The following EPHB6 variants were observed in gnomAD, a reference collection of about 807,000 sequenced individuals.
EPHB6 encodes the protein EPH receptor B6.
EPHB6 carries 51 observed loss-of-function variants against 107.0 expected under a neutral mutation model. The observed-to-expected ratio is 0.48, with a 90% confidence interval of 0.38 to 0.60. The LOEUF (loss-of-function observed/expected upper bound fraction) is 0.60, where lower values mean the gene tolerates loss of function less well. EPHB6 is among the 20% of genes least tolerant of loss of function. The pLI is 0.00. For missense variants in EPHB6, 1,141 were observed against 1,355.5 expected (o/e 0.84, Z 2.48); for synonymous variants, 553 against 549.0 (o/e 1.01, Z -0.10).
At chr7:142,856,854 A>G (rs896149668) in intron 1 of EPHB6, among the ~76,000 whole-genome samples, 1 of 151,628 alleles carries the variant, frequency 6.6e-6, no homozygotes, top group African/African-American at 2.4e-5. Context: ...GGAAAGCAAC[A>G]GCCCCCATCT....
Position 142,863,107 on chromosome 7 carries a change from G to A in EPHB6, c.-101-20G>A. 1.3e-6 allele frequency: 1 copy of A among 768,830 alleles called. No individual in the cohort carries two copies. The highest frequency in any genetic ancestry group is 2.2e-6 in the Non-Finnish European group (1 of 457,636). 47.6% of individuals were successfully genotyped at this position (768,830 alleles called of 1,614,324 possible). A position where few individuals can be genotyped will look rare whatever the true frequency, so the allele number is the denominator to read the frequency against. On this transcript the variant is annotated intron_variant, in intron 4 of 19. Transcript: ENST00000652003. ...CACTTTCTTCCCACCTGCCTCTTCT[G>A]GTCTTGTGTGTCTCCTCAGGAAGCA...
At position 142,864,065 on chromosome 7, in the gene EPHB6, T is replaced by C; in HGVS notation, c.265T>C (p.Trp89Arg). ...CCCTCCAGGCACCGGGCAGGACAAT[T>C]GGTTGCAGACACACTTTGTGGAGCG... Reference protein sequence around the residue: ...GAPPGTGQDNWLQTHFVERRG... With the variant: ...GAPPGTGQDNRLQTHFVERRG... The change falls in exon 7 of 20, where the codon TGG becomes CGG. Residue 89 changes from tryptophan to arginine, a missense_variant. Trp to Arg is a moderately radical substitution (Grantham distance 101). Transcript: ENST00000652003. 1 of 1,614,084 alleles carries C rather than the reference T, an allele frequency of 6.2e-7. No individual in the cohort carries two copies. Among genetic ancestry groups the C allele is most frequent in the Non-Finnish European group, 8.5e-7 (1 of 1,180,028 alleles).
rs372003411 is a variant in EPHB6 at position 142,865,605 on chromosome 7, C to T, written c.1080C>T (p.Ser360=). 424 of 1,613,684 alleles carry T rather than the reference C, an allele frequency of 2.6e-4. 1 individual carries two copies. The highest frequency in any genetic ancestry group is 4.8e-4 in the Admixed American group (29 of 60,016). The change falls in exon 8 of 20, where the codon TCC becomes TCT. Residue 360 remains serine, a synonymous_variant. Coordinates refer to ENST00000652003, the MANE Select transcript of EPHB6 (RefSeq NM_004445.6). Reference sequence around the variant, plus strand: ...TGGAGGGCTTCTACCGGGCCAGTTCCGACCCACCAGAGGCCCCCTGCACTG... The same window carrying T: ...TGGAGGGCTTCTACCGGGCCAGTTCTGACCCACCAGAGGCCCCCTGCACTG... ...PCLEGFYRAS[S]DPPEAPCTGP...
Position 142,864,089 on chromosome 7 carries a change from C to G in EPHB6, c.289C>G (p.Arg97Gly). ...TTGGTTGCAGACACACTTTGTGGAGCGGCGCGGGGCCCAGAGGGCGCACAT... is the reference window on the plus strand; with the variant it reads ...TTGGTTGCAGACACACTTTGTGGAGGGGCGCGGGGCCCAGAGGGCGCACAT... ...DNWLQTHFVE[R>G]RGAQRAHIRL... The change falls in exon 7 of 20, where the codon CGG (arginine) becomes GGG (glycine). Residue 97 changes from arginine to glycine, a missense_variant. Physicochemically the swap from Arg to Gly is moderately radical, Grantham distance 125. Coordinates refer to ENST00000652003, the MANE Select transcript of EPHB6 (RefSeq NM_004445.6). 6.2e-7 allele frequency: 1 copy of G among 1,614,036 alleles called. No homozygotes were observed. Among genetic ancestry groups the G allele is most frequent in the Non-Finnish European group, 8.5e-7 (1 of 1,180,038 alleles).
intron 6 of EPHB6, 111 bp from the exon 7 acceptor site, chr7:142,863,855 T>G: frequency 6.5e-7 from 1 of 1,536,498 alleles, no homozygotes; most frequent in Non-Finnish European, 9.0e-7. Context: ...TCTGCTTTGC[T>G]TGTCATTAAT....
chr7:142,863,724 A>ATCCC (rs1400814500), intron 6 of EPHB6, 29 bp downstream of exon 6: 15 of 1,610,816 alleles, frequency 9.3e-6, no homozygotes, highest in Non-Finnish European at 7.6e-6. Flanking sequence ...CTGAACCTGA[A>ATCCC]TCCCTTGGCC....
At position 142,868,899 on chromosome 7, in the gene EPHB6, T is replaced by C. The variant is rs1262080989; in HGVS notation, c.2287-75T>C. The stretch of plus-strand genomic sequence containing the variant: ...CGACACCCTCCCGCTCTCATGCTGT[T>C]GTCTGCTATGCAGTATGTTGAGGTC... On this transcript the variant is annotated intron_variant, in intron 15 of 19. Transcript: ENST00000652003. This position sits in a 1 kb window ranked among gnomAD's most constrained non-coding sequence, Gnocchi z 4.2. 9.6e-5 allele frequency: 152 copies of C among 1,580,690 alleles called. No homozygotes were observed. The highest frequency in any genetic ancestry group is 1.3e-4 in the Non-Finnish European group (147 of 1,167,872).
At chr7:142,863,453 G>A in intron 5 of EPHB6, 126 bp downstream of exon 5, 1 of 1,183,152 alleles carries the variant, frequency 8.5e-7, no homozygotes, top group Non-Finnish European at 1.3e-6. Flanking sequence ...GCATGGTGAG[G>A]ATAATGAAGA....
Position 142,870,325 on chromosome 7 carries a change from C to T in EPHB6, c.2722C>T (p.His908Tyr). 1 of 1,614,228 alleles carries T rather than the reference C, an allele frequency of 6.2e-7. No individual in the cohort carries two copies. The highest frequency in any genetic ancestry group is 8.5e-7 in the Non-Finnish European group (1 of 1,180,042). ...TWQKDRARRPHFDQLVAAFDK... is the reference protein window; with the variant it reads ...TWQKDRARRPYFDQLVAAFDK... ...GCAGAAGGACCGTGCCCGGCGGCCT[C>T]ATTTTGACCAGCTGGTGGCTGCATT... Residue 908 changes from histidine to tyrosine, a missense_variant, in exon 18 of 20, where the codon CAT (histidine) becomes TAT (tyrosine). Around this residue, in one of 3 missense-constraint regions of EPHB6, gnomAD observed 616 missense variants for 759.3 expected, o/e 0.81. Transcript: ENST00000652003.
chr7:142,865,687 G>A (rs1803120285), intron 8 of EPHB6, 57 bp downstream of exon 8: 2 of 1,595,198 alleles, frequency 1.3e-6, no homozygotes, highest in African/African-American at 1.3e-5. Context: ...GGCCAGAAGT[G>A]GGGGTAGCAG....
At chr7:142,862,637 G>A (rs1221427464) in intron 3 of EPHB6, 119 bp from the exon 4 acceptor site, 1 of 152,624 alleles carries the variant, frequency 6.6e-6, no homozygotes, top group East Asian at 1.9e-4. Context: ...GAAATTTCTA[G>A]AGCATCCAGG....
Position 142,855,916 on chromosome 7 carries a change from C to G in EPHB6, c.-432+531C>G, listed in dbSNP as rs930661229. 2.6e-5 allele frequency among the ~76,000 whole-genome samples: 4 copies of G among 152,216 alleles called. No individual in the cohort carries two copies. Among genetic ancestry groups the G allele is most frequent in the East Asian group, 1.9e-4 (1 of 5,196 alleles). ...GGTTCCTGCTGCCCAGCCATCACCC[C>G]CAACGTGCAACCAAATTCTATTGCG... On this transcript the variant is annotated intron_variant, in intron 1 of 19. Coordinates refer to ENST00000652003, the MANE Select transcript of EPHB6 (RefSeq NM_004445.6). The surrounding 1 kb of genome is among the most constrained non-coding windows in gnomAD (Gnocchi z 4.2).
chr7:142,858,083 A>G (rs1802683858), intron 1 of EPHB6, among the ~76,000 whole-genome samples: 1 of 152,126 alleles, frequency 6.6e-6, no homozygotes, highest in Non-Finnish European at 1.5e-5. Flanking sequence ...TAATTATGAG[A>G]TTTTACGTTA....
intron 1 of EPHB6, among the ~76,000 whole-genome samples, chr7:142,860,012 G>A (rs768930523): frequency 4.6e-5 from 7 of 152,172 alleles, no homozygotes; most frequent in Admixed American, 6.5e-5. Flanking sequence ...CTTGTAGTTC[G>A]GGTCATCAAA....
Position 142,866,991 on chromosome 7 carries a change from G to T in EPHB6, c.1673G>T (p.Gly558Val). 1.2e-6 allele frequency: 2 copies of T among 1,614,054 alleles called. No individual in the cohort carries two copies. The highest frequency in any genetic ancestry group is 1.7e-6 in the Non-Finnish European group (2 of 1,180,000). The change falls in exon 11 of 20, where the codon GGT (glycine) becomes GTT (valine). Residue 558 changes from glycine (G) to valine (V), a missense_variant. Physicochemically the swap from Gly to Val is moderately radical, Grantham distance 109. Around this residue, in one of 3 missense-constraint regions of EPHB6, gnomAD observed 616 missense variants for 759.3 expected, o/e 0.81. Coordinates refer to ENST00000652003, the MANE Select transcript of EPHB6 (RefSeq NM_004445.6). This position sits in a 1 kb window ranked among gnomAD's most constrained non-coding sequence, Gnocchi z 5.2. ...CAGCTGAGCCCTGGCCACATCTATGGTTTCCAGGTGCGGGCCCGGACTGCT... is the reference window on the plus strand; with the variant it reads ...CAGCTGAGCCCTGGCCACATCTATGTTTTCCAGGTGCGGGCCCGGACTGCT... ...VTQLSPGHIY[G>V]FQVRARTAAG...
Position 142,865,688 on chromosome 7 carries a change from G to A in EPHB6, c.1105+58G>A, listed in dbSNP as rs55893514. The A allele has an allele frequency of 5.6e-3, 8,913 of 1,595,140 alleles. 37 individuals carry two copies. Among genetic ancestry groups the A allele is most frequent in the Non-Finnish European group, 6.5e-3 (7,634 of 1,172,810 alleles). Reference sequence around the variant, plus strand: ...GAGACTTGGAGAGGGGCCAGAAGTGGGGGTAGCAGGCAACACTGGGGGCTC... The same window carrying A: ...GAGACTTGGAGAGGGGCCAGAAGTGAGGGTAGCAGGCAACACTGGGGGCTC... On this transcript the variant is annotated intron_variant, in intron 8 of 19. Coordinates refer to ENST00000652003, the MANE Select transcript of EPHB6 (RefSeq NM_004445.6).
At chr7:142,865,338 G>C in intron 7 of EPHB6, 137 bp from the exon 8 acceptor site, 1 of 1,089,840 alleles carries the variant, frequency 9.2e-7, no homozygotes, top group Middle Eastern at 2.2e-4. Context: ...AGAGAGGGTG[G>C]GGTTCAGTCT....
Position 142,866,851 on chromosome 7 carries a change from G to C in EPHB6, c.1588-55G>C. On this transcript the variant is annotated intron_variant, in intron 10 of 19. Coordinates refer to ENST00000652003, the MANE Select transcript of EPHB6 (RefSeq NM_004445.6). The surrounding 1 kb of genome is among the most constrained non-coding windows in gnomAD (Gnocchi z 5.2). ...GGGAGGGTGGCTGGGGGCCTTAGGG[G>C]CAGAAGCAGGGGCAAGAGGGGGCCA... The C allele has an allele frequency of 6.2e-7, 1 of 1,613,622 alleles. No individual in the cohort carries two copies. The highest frequency in any genetic ancestry group is 8.5e-7 in the Non-Finnish European group (1 of 1,179,756).
At chr7:142,857,319 C>A (rs765742198) in intron 1 of EPHB6, among the ~76,000 whole-genome samples, 34 of 152,292 alleles carry the variant, frequency 2.2e-4, no homozygotes, top group Non-Finnish European at 3.7e-4. Context: ...CTAGAAGAGC[C>A]GGAGGACAGC....
Sources: gnomAD v4.1 joint callset for allele counts (sites outside exome capture counted in the v4.1 genomes callset) on GRCh38, gnomAD v4.1.1 for gene constraint, gnomAD v4.1.1 regional missense constraint, Gnocchi (gnomAD v3.1) non-coding constraint, MANE v1.5 for transcripts, NCBI Gene and HGNC (gene_info 2026-07-23, HGNC 2026-07-21) for gene names.